RBFOX1: variants seen among roughly 807,000 people sequenced by gnomAD.
RBFOX1 encodes RNA binding protein fox-1 homolog 1.
A neutral mutation model predicts 57.7 loss-of-function variants in RBFOX1; 8 were observed. The observed-to-expected ratio is 0.14, with a 90% CI of 0.08 to 0.25. The LOEUF (loss-of-function observed/expected upper bound fraction) is 0.25. Ranked by LOEUF, RBFOX1 falls within the 10% of genes least tolerant of loss-of-function variation. The probability of loss-of-function intolerance (pLI) is 1.00; values close to 1 mark genes in which losing one functional copy is unlikely to be tolerated. For missense variants in RBFOX1, 611 were observed against 548.5 expected, an observed-to-expected ratio of 1.11 and a Z score of -1.14; for synonymous variants, 326 against 222.4, an observed-to-expected ratio of 1.47 and a Z score of -4.15.
Position 5,987,285 on chromosome 16 carries a change from C to T in RBFOX1, c.351+119950C>T, listed in dbSNP as rs572823331. Among the ~76,000 whole-genome samples, 15 of 152,060 alleles carry T rather than the reference C, an allele frequency of 9.9e-5. 1 individual carries two copies. The highest frequency in any genetic ancestry group is 7.9e-4 in the Admixed American group (12 of 15,266). Reference sequence around the variant, plus strand: ...TTTTATATTCTGGATATTATTCATTCGTTATTGTGGGGTATGTGGTTTACA... The same window carrying T: ...TTTTATATTCTGGATATTATTCATTTGTTATTGTGGGGTATGTGGTTTACA... On this transcript the variant is annotated intron_variant, in intron 4 of 19. Coordinates refer to the RBFOX1 transcript ENST00000641259.
intron 4 of RBFOX1, among the ~76,000 whole-genome samples, chr16:7,303,756 TCTCG>T (rs1389069366): frequency 3.4e-5 from 5 of 146,156 alleles, no homozygotes; most frequent in Admixed American, 2.1e-4. Flanking sequence ...TTACCCTCCC[TCTCG>T]CTCTCTCTCT....
chr16:6,579,274 G>T (rs190536979), intron 2 of RBFOX1, among the ~76,000 whole-genome samples: 34 of 152,040 alleles, frequency 2.2e-4, no homozygotes, highest in African/African-American at 7.0e-4. Context: ...TTCAGTTATC[G>T]CTCTCTGTAG....
At chr16:5,527,832 G>C (rs931756532) in intron 2 of RBFOX1, among the ~76,000 whole-genome samples, 1 of 152,060 alleles carries the variant, frequency 6.6e-6, no homozygotes, top group African/African-American at 2.4e-5. Context: ...GTTTTGTCTT[G>C]GATACCCTAG....
At chr16:6,461,796 G>A (rs1355715225) in intron 2 of RBFOX1, among the ~76,000 whole-genome samples, 1 of 152,122 alleles carries the variant, frequency 6.6e-6, no homozygotes, top group African/African-American at 2.4e-5. Context: ...TTGTGCTTAT[G>A]TAGGGACAGT....
chr16:7,172,316 C>A (rs903406713), intron 4 of RBFOX1, among the ~76,000 whole-genome samples: 42 of 152,132 alleles, frequency 2.8e-4, no homozygotes, highest in Non-Finnish European at 1.0e-4. Context: ...CAGTTTATCT[C>A]TTTTTACTCC....
intron 3 of RBFOX1, among the ~76,000 whole-genome samples, chr16:6,853,802 G>A (rs1937616225): frequency 1.3e-5 from 2 of 152,070 alleles, no homozygotes; most frequent in African/African-American, 4.8e-5. Context: ...ACCACCGAGG[G>A]GTAATTTCCT....
intron 1 of RBFOX1, among the ~76,000 whole-genome samples, chr16:5,430,875 C>A (rs1040157271): frequency 6.6e-6 from 1 of 152,142 alleles, no homozygotes; most frequent in Non-Finnish European, 1.5e-5. Flanking sequence ...GAAGTTTTGC[C>A]CTGGTATAAA....
chr16:5,387,039 G>C (rs566431087), intron 1 of RBFOX1, among the ~76,000 whole-genome samples: 1 of 152,286 alleles, frequency 6.6e-6, no homozygotes, highest in East Asian at 1.9e-4. Flanking sequence ...CAACAAGAGT[G>C]AAACTCCATC....
At chr16:6,941,535 A>T (rs2078516307) in intron 3 of RBFOX1, among the ~76,000 whole-genome samples, 1 of 151,886 alleles carries the variant, frequency 6.6e-6, no homozygotes, top group East Asian at 1.9e-4. Context: ...GGGTTTCCTG[A>T]AGGTTCTCAC....
chr16:7,547,232 A>G lies in RBFOX1; in HGVS notation c.270+28843A>G, dbSNP rs184344689. ...GTACCAAAGGTTAACGTAGTGTGCA[A>G]TGCTGTAAAATCCAGCAGGCAACCT... On this transcript the variant is annotated intron_variant, in intron 5 of 15. Coordinates refer to ENST00000550418, the MANE Select transcript of RBFOX1 (RefSeq NM_018723.4). Among the ~76,000 whole-genome samples, 114 of 152,360 alleles carry G rather than the reference A, an allele frequency of 7.5e-4. 3 individuals carry two copies. The highest frequency in any genetic ancestry group is 1.1e-3 in the Admixed American group (17 of 15,304).
At chr16:6,115,516 A>T (rs928624049) in intron 1 of RBFOX1, among the ~76,000 whole-genome samples, 1 of 152,136 alleles carries the variant, frequency 6.6e-6, no homozygotes, top group Non-Finnish European at 1.5e-5. Context: ...GGCTATAGTG[A>T]GATCTGTACT....
intron 2 of RBFOX1, among the ~76,000 whole-genome samples, chr16:5,535,117 C>G (rs2044645043): frequency 6.6e-6 from 1 of 152,180 alleles, no homozygotes; most frequent in African/African-American, 2.4e-5. Flanking sequence ...AGCTGATAAA[C>G]ACATGCAGCT....
At chr16:7,250,912 A>T (rs1017115527) in intron 4 of RBFOX1, among the ~76,000 whole-genome samples, 1 of 152,218 alleles carries the variant, frequency 6.6e-6, no homozygotes, top group Admixed American at 6.5e-5. Flanking sequence ...GATGGTATAC[A>T]TTTATCATGT....
At chr16:7,368,713 G>A (rs1038934337) in intron 4 of RBFOX1, among the ~76,000 whole-genome samples, 2 of 151,186 alleles carry the variant, frequency 1.3e-5, no homozygotes, top group African/African-American at 4.9e-5. Flanking sequence ...CTGGGAGACA[G>A]AGCTTGCAGT....
intron 4 of RBFOX1, among the ~76,000 whole-genome samples, chr16:7,052,940 T>C (rs922837979): frequency 1.3e-5 from 2 of 152,200 alleles, no homozygotes; most frequent in Admixed American, 1.3e-4. Context: ...GTTTTCAAAT[T>C]GTTATAAAAA....
chr16:6,014,668 C>A (rs564670974), upstream of RBFOX1, among the ~76,000 whole-genome samples: 5 of 152,206 alleles, frequency 3.3e-5, no homozygotes, highest in Admixed American at 2.0e-4. Flanking sequence ...TGTGAGAAAG[C>A]CTTCAGGTAA....
chr16:5,699,508 G>A (rs1053488183), intron 3 of RBFOX1, among the ~76,000 whole-genome samples: 11 of 151,872 alleles, frequency 7.2e-5, no homozygotes, highest in Admixed American at 7.2e-4. Context: ...GCCCCCAAGA[G>A]GATGTTTTAG....
intron 3 of RBFOX1, among the ~76,000 whole-genome samples, chr16:6,916,215 C>T (rs1296148135): frequency 2.0e-5 from 3 of 152,098 alleles, no homozygotes; most frequent in African/African-American, 7.2e-5. Context: ...GAGGCATTCA[C>T]GGAGCTGGGA....
chr16:7,129,608 T>C (rs1435989214), intron 4 of RBFOX1, among the ~76,000 whole-genome samples: 1 of 152,096 alleles, frequency 6.6e-6, no homozygotes, highest in East Asian at 1.9e-4. Flanking sequence ...TTTAAGTGTA[T>C]GCATCTGATT....
Sources: gnomAD v4.1 joint callset for allele counts (sites outside exome capture counted in the v4.1 genomes callset) on GRCh38, gnomAD v4.1.1 for gene constraint, MANE v1.5 for transcripts, NCBI Gene and HGNC (gene_info 2026-07-23, HGNC 2026-07-21) for gene names.